Variants in BMERB1 observed in about 807,000 individuals in gnomAD.
The protein encoded by BMERB1 is bMERB domain-containing protein 1.
Under a neutral mutation model 23.6 loss-of-function variants are expected in BMERB1, and 12 were observed. The observed-to-expected ratio is 0.51, with a 90% confidence interval of 0.33 to 0.82. The LOEUF is 0.82. Among genes scored for constraint, BMERB1 ranks in the 40% least tolerant of loss-of-function variants. The probability of loss-of-function intolerance (pLI) is 0.03; values close to 1 mark genes in which losing one functional copy is unlikely to be tolerated. For synonymous variants in BMERB1, 122 were observed against 96.6 expected, an observed-to-expected ratio of 1.26 and a Z score of -1.54; for missense variants, 247 against 255.4, an observed-to-expected ratio of 0.97 and a Z score of 0.22.
At position 15,515,348 on chromosome 16, in the gene BMERB1, A is replaced by G. The variant is rs2051735448; in HGVS notation, c.150A>G (p.Pro50=). 1 of 1,613,946 alleles carries G rather than the reference A, an allele frequency of 6.2e-7. No homozygotes were observed. Among genetic ancestry groups the G allele is most frequent in the African/African-American group, 1.3e-5 (1 of 75,018 alleles). Reference sequence around the variant, plus strand: ...CCATGGCGGAGACAACCATGATGCCAGAGGAGATTGAGCTGGAGATGGCAA... The same window carrying G: ...CCATGGCGGAGACAACCATGATGCCGGAGGAGATTGAGCTGGAGATGGCAA... ...IISMAETTMM[P]EEIELEMAKI... The change falls in exon 2 of 6, where the codon CCA becomes CCG. Residue 50 remains proline, a synonymous_variant. Coordinates refer to ENST00000300006, the MANE Select transcript of BMERB1 (RefSeq NM_033201.3).
intron 2 of BMERB1, among the ~76,000 whole-genome samples, chr16:15,558,509 C>G (rs1349405069): frequency 6.6e-6 from 1 of 151,976 alleles, no homozygotes; most frequent in African/African-American, 2.4e-5. Context: ...GTCAAAAGGT[C>G]ACTTCTCCGG....
chr16:15,516,580 G>A lies in BMERB1; in HGVS notation c.230+1152G>A, dbSNP rs753674183. The stretch of plus-strand genomic sequence containing the variant: ...GCAACCTGGCTGGAAAATTCCCTGC[G>A]CTGCCTGTCAGCTCACCCACCCACC... On this transcript the variant is annotated intron_variant, in intron 2 of 5. Transcript: ENST00000300006. Among the ~76,000 whole-genome samples, 45 of 152,002 alleles carry A rather than the reference G, an allele frequency of 3.0e-4. No homozygotes were observed. In the East Asian group the frequency reaches 3.7e-3, roughly 12 times the overall value.
At chr16:15,464,527 T>A (rs988756572) in intron 1 of BMERB1, among the ~76,000 whole-genome samples, 33 of 152,126 alleles carry the variant, frequency 2.2e-4, no homozygotes, top group African/African-American at 7.7e-4. Context: ...GTGCTGCTGG[T>A]TGACAATTCT....
intron 1 of BMERB1, among the ~76,000 whole-genome samples, chr16:15,496,468 C>T (rs2051474400): frequency 6.6e-6 from 1 of 152,092 alleles, no homozygotes; most frequent in Non-Finnish European, 1.5e-5. Flanking sequence ...ACTCACTTAC[C>T]AGCCACACAA....
intron 1 of BMERB1, among the ~76,000 whole-genome samples, chr16:15,487,524 G>C (rs2051378537): frequency 6.6e-6 from 1 of 152,098 alleles, no homozygotes; most frequent in Non-Finnish European, 1.5e-5. Flanking sequence ...AGGATTCTTA[G>C]ATATTGTGCA....
At position 15,547,136 on chromosome 16, in the gene BMERB1, C is replaced by T. The variant is rs551631449; in HGVS notation, c.231-20847C>T. ...CAAGCGATTCTCCTGCCTCAGCTTC[C>T]GAGTAGCTGGGATTACAGGCATGCG... is the stretch of plus-strand genomic sequence containing the variant. On this transcript the variant is annotated intron_variant, in intron 2 of 5. Coordinates refer to ENST00000300006, the MANE Select transcript of BMERB1 (RefSeq NM_033201.3). Among the ~76,000 whole-genome samples, 16 of 151,552 alleles carry T rather than the reference C, an allele frequency of 1.1e-4. No individual in the cohort carries two copies. The South Asian group carries it at 1.9e-3, about 18-fold the overall frequency.
intron 1 of BMERB1, among the ~76,000 whole-genome samples, chr16:15,493,849 C>CT (rs2051446751): frequency 6.6e-6 from 1 of 152,180 alleles, no homozygotes; most frequent in Non-Finnish European, 1.5e-5. Context: ...GATTTTCAGG[C>CT]TAAGCAGTTT....
chr16:15,459,507 G>A (rs1327777286), intron 1 of BMERB1, among the ~76,000 whole-genome samples: 1 of 151,936 alleles, frequency 6.6e-6, no homozygotes, highest in Non-Finnish European at 1.5e-5. Flanking sequence ...GAAAATTTAA[G>A]ACAAAAAATG....
chr16:15,537,589 A>G (rs1225647156), intron 2 of BMERB1, among the ~76,000 whole-genome samples: 1 of 151,736 alleles, frequency 6.6e-6, no homozygotes. Context: ...CCTGTCCTCA[A>G]ATGATCCACC....
chr16:15,460,968 A>G (rs1321335383), intron 1 of BMERB1, among the ~76,000 whole-genome samples: 1 of 152,096 alleles, frequency 6.6e-6, no homozygotes, highest in Non-Finnish European at 1.5e-5. Flanking sequence ...TACTAAAAAT[A>G]CAAAAAATTA....
At position 15,580,010 on chromosome 16, in the gene BMERB1, C is replaced by A. The variant is rs141700196; in HGVS notation, c.305-1207C>A. ...GGCCATGGTGGCTTGCTGCACCTGT[C>A]AGCCCGACACATAGGTATTAAGCCC... On this transcript the variant is annotated intron_variant, in intron 3 of 5. Coordinates refer to ENST00000300006, the MANE Select transcript of BMERB1 (RefSeq NM_033201.3). Among the ~76,000 whole-genome samples, 212 of 152,270 alleles carry A rather than the reference C, an allele frequency of 1.4e-3. 1 individual carries two copies. Among genetic ancestry groups the A allele is most frequent in the South Asian group, 2.5e-3 (12 of 4,820 alleles).
chr16:15,434,868 C>A, intron 1 of BMERB1, 109 bp downstream of exon 1: 1 of 921,884 alleles, frequency 1.1e-6, no homozygotes, highest in Non-Finnish European at 1.6e-6. Context: ...CAGGGAAGCG[C>A]CCCCGCAGCG....
intron 1 of BMERB1, among the ~76,000 whole-genome samples, chr16:15,470,981 C>T (rs555059011): frequency 2.0e-5 from 3 of 151,288 alleles, no homozygotes; most frequent in Non-Finnish European, 3.0e-5. Flanking sequence ...GGACTACAGG[C>T]GCCTGCTGCC....
intron 2 of BMERB1, among the ~76,000 whole-genome samples, chr16:15,537,982 C>G (rs893666403): frequency 6.6e-6 from 1 of 152,054 alleles, no homozygotes; most frequent in African/African-American, 2.4e-5. Flanking sequence ...TGTCTGCCAC[C>G]TATGAAAGCA....
chr16:15,448,911 G>A (rs1190359337), intron 1 of BMERB1, among the ~76,000 whole-genome samples: 1 of 152,188 alleles, frequency 6.6e-6, no homozygotes, highest in African/African-American at 2.4e-5. Flanking sequence ...ACAGGAATAG[G>A]TACCATGAAT....
intron 1 of BMERB1, chr16:15,448,152 C>T (rs62039105): frequency 0.026 from 7,902 of 309,680 alleles, 159 homozygotes; most frequent in East Asian, 0.064. Flanking sequence ...GGCCTGCCAA[C>T]GCGCTGGGAT....
chr16:15,567,404 C>G (rs115389932), intron 2 of BMERB1, among the ~76,000 whole-genome samples: 2,295 of 152,048 alleles, frequency 0.015, 63 homozygotes, highest in African/African-American at 0.053. Flanking sequence ...TATAAGCAAA[C>G]CTAAGTCAGG....
intron 1 of BMERB1, among the ~76,000 whole-genome samples, chr16:15,487,564 A>C (rs2051378863): frequency 6.6e-6 from 1 of 152,236 alleles, no homozygotes; most frequent in South Asian, 2.1e-4. Flanking sequence ...TCCATAGAGT[A>C]AAATGAAAGC....
At chr16:15,466,276 A>G (rs765298010) in intron 1 of BMERB1, among the ~76,000 whole-genome samples, 1 of 152,174 alleles carries the variant, frequency 6.6e-6, no homozygotes, top group Non-Finnish European at 1.5e-5. Flanking sequence ...AAGTTTGCCA[A>G]TCTGATGGAT....
Sources: allele counts gnomAD v4.1 joint callset (sites outside exome capture counted in the v4.1 genomes callset), GRCh38; gene constraint gnomAD v4.1.1; transcripts MANE v1.5; gene names NCBI Gene and HGNC (gene_info 2026-07-23, HGNC 2026-07-21).